The following DOCK11 variants were observed in gnomAD, a reference collection of about 807,000 sequenced individuals.
DOCK11 encodes dedicator of cytokinesis protein 11.
Under a neutral mutation model 169.1 loss-of-function variants are expected in DOCK11, and 70 were observed. The ratio of observed to expected loss-of-function variants is 0.41; its 90% CI spans 0.34 to 0.51. The LOEUF (loss-of-function observed/expected upper bound fraction) is 0.51, where lower values mean the gene tolerates loss of function less well. Ranked by LOEUF, DOCK11 falls within the 20% of genes least tolerant of loss-of-function variation. DOCK11 has a pLI of 0.10. For synonymous variants in DOCK11, 529 were observed against 541.3 expected, an observed-to-expected ratio of 0.98 and a Z score of 0.32; for missense variants, 1,166 against 1,538.8, an observed-to-expected ratio of 0.76 and a Z score of 4.05.
intron 37 of DOCK11, 141 bp from the exon 38 acceptor site, chrX:118,639,294 C>T (rs2015464413): frequency 1.8e-6 from 1 of 543,634 alleles, no homozygotes; most frequent in African/African-American, 2.3e-5. Context: ...AAACTTCATC[C>T]AGTTTCTAGT....
intron 39 of DOCK11, among the ~76,000 whole-genome samples, chrX:118,641,855 G>A (rs1428119614): frequency 9.0e-6 from 1 of 111,324 alleles, no homozygotes; most frequent in Non-Finnish European, 1.9e-5. Flanking sequence ...AAGTAAAAAC[G>A]GTGTGACCAT....
At position 118,577,654 on chromosome X, in the gene DOCK11, G is replaced by C. The variant is rs1479164866; in HGVS notation, c.1390-871G>C. Among the ~76,000 whole-genome samples, 4 of 111,650 alleles carry C rather than the reference G, an allele frequency of 3.6e-5. No individual in the cohort carries two copies. In the Admixed American group the frequency reaches 3.8e-4, roughly 11 times the overall value. On this transcript the variant is annotated intron_variant, in intron 12 of 52. Transcript: ENST00000276202. The stretch of plus-strand genomic sequence containing the variant: ...CTGTTTGACTTGGGGGAAATCATTA[G>C]CCTCTTAACACTCAATTTTCTATTC...
intron 4 of DOCK11, among the ~76,000 whole-genome samples, chrX:118,545,051 C>T (rs759082751): frequency 9.1e-6 from 1 of 109,956 alleles, no homozygotes; most frequent in East Asian, 2.8e-4. Context: ...AACTTCTGCC[C>T]TCCCTAAGTT....
chrX:118,586,927 C>T (rs2013835014), intron 16 of DOCK11, among the ~76,000 whole-genome samples: 1 of 112,004 alleles, frequency 8.9e-6, no homozygotes, highest in Non-Finnish European at 1.9e-5. Context: ...ATTCTAAATG[C>T]AGTGAGAAGT....
chrX:118,678,660 C>T (rs2016667806), intron 48 of DOCK11, among the ~76,000 whole-genome samples: 1 of 107,375 alleles, frequency 9.3e-6, no homozygotes, highest in African/African-American at 3.4e-5. Context: ...TTTAGTAGAG[C>T]TGGGGTTCCA....
At chrX:118,648,080 A>AAATTGTAATATTATACAATATAAT (rs1569441155) in intron 40 of DOCK11, among the ~76,000 whole-genome samples, 1 of 60,188 alleles carries the variant, frequency 1.7e-5, no homozygotes, top group Non-Finnish European at 2.6e-5. Flanking sequence ...TAATATATAT[A>AAATTGTAATATTATACAATATAAT]ATATAAATTG....
intron 20 of DOCK11, among the ~76,000 whole-genome samples, chrX:118,596,269 G>A (rs1436207085): frequency 1.8e-5 from 2 of 112,111 alleles, no homozygotes; most frequent in East Asian, 2.8e-4. Context: ...AAAGGTCTGG[G>A]TAAAGCATTT....
intron 30 of DOCK11, 58 bp downstream of exon 30, chrX:118,615,769 T>C: frequency 3.4e-6 from 3 of 895,051 alleles, no homozygotes; most frequent in African/African-American, 3.9e-5. Flanking sequence ...TTGCTAGCGC[T>C]AGTGTAGTAT....
intron 40 of DOCK11, among the ~76,000 whole-genome samples, chrX:118,648,524 A>ATAAT (rs760302356): frequency 0.15 from 14,995 of 97,203 alleles, 986 homozygotes; most frequent in African/African-American, 0.19. Flanking sequence ...TATGTAATAT[A>ATAAT]TATATATTTA....
chrX:118,523,238 T>C (rs1027425775), intron 1 of DOCK11, among the ~76,000 whole-genome samples: 3 of 111,720 alleles, frequency 2.7e-5, no homozygotes, highest in Admixed American at 9.5e-5. Context: ...AGAAGTTGAG[T>C]TTTTGCCCTT....
intron 32 of DOCK11, among the ~76,000 whole-genome samples, chrX:118,626,257 C>CG (rs66486569): frequency 9.4e-6 from 1 of 106,373 alleles, no homozygotes; most frequent in Admixed American, 1.0e-4. Context: ...TTAGTAGAGA[C>CG]GGGGGGTTTC....
intron 28 of DOCK11, among the ~76,000 whole-genome samples, chrX:118,613,417 G>C (rs1486675423): frequency 8.9e-6 from 1 of 111,864 alleles, no homozygotes; most frequent in African/African-American, 3.3e-5. Flanking sequence ...AAATATTCTA[G>C]GCACTATGAA....
chrX:118,628,640 A>G (rs980286047), intron 34 of DOCK11, among the ~76,000 whole-genome samples: 4 of 112,221 alleles, frequency 3.6e-5, no homozygotes, highest in Admixed American at 9.5e-5. Flanking sequence ...TAATAGAGTA[A>G]TGATATTAAT....
intron 7 of DOCK11, among the ~76,000 whole-genome samples, chrX:118,564,313 G>A (rs149526620): frequency 7.1e-5 from 8 of 112,680 alleles, no homozygotes; most frequent in African/African-American, 9.7e-5. Context: ...TCATCCTTTC[G>A]TAGACTTCAA....
At chrX:118,629,188 A>G (rs1219288143) in intron 34 of DOCK11, among the ~76,000 whole-genome samples, 6 of 111,406 alleles carry the variant, frequency 5.4e-5, no homozygotes, top group Admixed American at 4.8e-4. Context: ...CTATACTTCC[A>G]CTGGTTCCTT....
At chrX:118,647,739 TATAATATATA>T (rs1367927648) in intron 40 of DOCK11, among the ~76,000 whole-genome samples, 4 of 52,559 alleles carry the variant, frequency 7.6e-5, no homozygotes, top group Admixed American at 3.8e-4. Flanking sequence ...TATAATATAA[TATAATATATA>T]ATAATATATA....
intron 48 of DOCK11, among the ~76,000 whole-genome samples, chrX:118,678,126 C>A (rs1316347713): frequency 8.9e-6 from 1 of 112,394 alleles, no homozygotes; most frequent in African/African-American, 3.2e-5. Flanking sequence ...TAAAAATATT[C>A]TTTTCCCTTG....
chrX:118,512,789 G>A (rs1390693323), intron 1 of DOCK11, among the ~76,000 whole-genome samples: 2 of 111,001 alleles, frequency 1.8e-5, no homozygotes, highest in Non-Finnish European at 3.8e-5. Flanking sequence ...AACAGCTCAT[G>A]CCTCTGCCAG....
intron 42 of DOCK11, among the ~76,000 whole-genome samples, chrX:118,653,287 T>G (rs1197606906): frequency 8.9e-6 from 1 of 111,973 alleles, no homozygotes; most frequent in East Asian, 2.8e-4. Context: ...CAAACCCTAT[T>G]ACGAAAAGAT....
Sources: gnomAD v4.1 joint callset for allele counts (sites outside exome capture counted in the v4.1 genomes callset) on GRCh38, gnomAD v4.1.1 for gene constraint, MANE v1.5 for transcripts, NCBI Gene and HGNC (gene_info 2026-07-23, HGNC 2026-07-21) for gene names.